Variants in TACC1 observed in about 807,000 individuals in gnomAD.
TACC1 encodes the protein transforming acidic coiled-coil containing protein 1, also known as transforming acidic coiled-coil-containing protein 1.
Under a neutral mutation model 84.4 loss-of-function variants are expected in TACC1, and 48 were observed. That is an observed-to-expected ratio of 0.57 (90% CI 0.45 to 0.72). The LOEUF (loss-of-function observed/expected upper bound fraction) is 0.72. Among genes scored for constraint, TACC1 ranks in the 30% least tolerant of loss-of-function variants. TACC1 has a pLI of 0.00. For synonymous variants in TACC1, 372 were observed against 376.3 expected (o/e 0.99, Z 0.13); for missense variants, 920 against 973.0 (o/e 0.95, Z 0.72).
At chr8:38,750,718 C>T (rs1361256916) in intron 3 of TACC1, among the ~76,000 whole-genome samples, 1 of 152,136 alleles carries the variant, frequency 6.6e-6, no homozygotes, top group Non-Finnish European at 1.5e-5. Flanking sequence ...ACTTTGTTTA[C>T]AATAGCATAA....
intron 1 of TACC1, among the ~76,000 whole-genome samples, chr8:38,732,697 C>T (rs1805195504): frequency 6.6e-6 from 1 of 152,178 alleles, no homozygotes; most frequent in African/African-American, 2.4e-5. Context: ...CAGGTGAATA[C>T]TATTATTATC....
chr8:38,838,614 T>C, intron 8 of TACC1, 68 bp downstream of exon 8: 1 of 1,301,238 alleles, frequency 7.7e-7, no homozygotes, highest in Non-Finnish European at 1.1e-6. Context: ...ACAGATGAAG[T>C]GATGACAGTG....
chr8:38,757,445 G>T (rs1244479733), intron 3 of TACC1: 4 of 1,140,954 alleles, frequency 3.5e-6, no homozygotes, highest in Middle Eastern at 3.0e-4. Context: ...GCCGCCTTTG[G>T]GGGTTTGCGT....
intron 2 of TACC1, among the ~76,000 whole-genome samples, chr8:38,802,548 A>C (rs1222018723): frequency 6.6e-6 from 1 of 152,208 alleles, no homozygotes; most frequent in Non-Finnish European, 1.5e-5. Flanking sequence ...TCTTCCATGA[A>C]ACCGGTCCCT....
At chr8:38,793,340 C>G (rs1819199289) in intron 2 of TACC1, among the ~76,000 whole-genome samples, 1 of 152,064 alleles carries the variant, frequency 6.6e-6, no homozygotes, top group Non-Finnish European at 1.5e-5. Flanking sequence ...ACTCATAGAC[C>G]AAGCCCTGCC....
rs370794854 is a variant in TACC1 at position 38,804,384 on chromosome 8, C to G, written c.278-15138C>G. On this transcript the variant is annotated intron_variant, in intron 2 of 12. Transcript: ENST00000317827. ...CGCCATCTTGGCTCACTGCAACCCT[C>G]CGCCTCCCGGGTTCAAGCAATTATC... Among the ~76,000 whole-genome samples, 66 of 152,214 alleles carry G rather than the reference C, an allele frequency of 4.3e-4. 1 individual carries two copies. Among genetic ancestry groups the G allele is most frequent in the African/African-American group, 1.4e-3 (58 of 41,524 alleles).
At chr8:38,768,570 T>C (rs1396189752) in intron 3 of TACC1, among the ~76,000 whole-genome samples, 2 of 152,090 alleles carry the variant, frequency 1.3e-5, no homozygotes, top group African/African-American at 4.8e-5. Context: ...CCTTGATAAT[T>C]GTGTGTCTTG....
intron 2 of TACC1, chr8:38,799,903 C>T (rs1820949321): frequency 6.6e-6 from 1 of 152,286 alleles, no homozygotes; most frequent in African/African-American, 2.4e-5. Flanking sequence ...TGTGCTGGCT[C>T]ACTCCTGTAA....
intron 5 of TACC1, 172 bp downstream of exon 5, chr8:38,827,547 T>TC: frequency 1.5e-6 from 1 of 655,354 alleles, no homozygotes; most frequent in Non-Finnish European, 2.6e-6. Flanking sequence ...ACAAAGTGCT[T>TC]ATTGAAGTAC....
intron 1 of TACC1, 62 bp downstream of exon 1, chr8:38,787,805 C>A (rs1279984769): frequency 7.1e-7 from 1 of 1,409,194 alleles, no homozygotes; most frequent in Admixed American, 2.8e-5. Flanking sequence ...CTGCGACTCC[C>A]TCTGTGTGCG....
At chr8:38,729,791 C>T (rs1174322421) in intron 1 of TACC1, among the ~76,000 whole-genome samples, 3 of 152,114 alleles carry the variant, frequency 2.0e-5, no homozygotes, top group Non-Finnish European at 4.4e-5. Context: ...ATTACTTGAA[C>T]CCGGGAGGTG....
At position 38,842,432 on chromosome 8, in the gene TACC1, G is replaced by A. The variant is rs371667024; in HGVS notation, c.2106G>A (p.Leu702=). 164 of 1,611,508 alleles carry A rather than the reference G, an allele frequency of 1.0e-4. 1 individual carries two copies. In the South Asian group the frequency reaches 1.7e-3, roughly 17 times the overall value. Residue 702 remains leucine, a synonymous_variant, in exon 10 of 13, where the codon CTG becomes CTA. Transcript: ENST00000317827. ...GATATGAGAACCTGAAAGGTGTTCT[G>A]GAAGGGTTCAAGAAGGTAGAGTGTT... is the stretch of plus-strand genomic sequence containing the variant. ...FRRYENLKGV[L]EGFKKNEEAL...
chr8:38,807,732 CTT>C (rs1219947855), intron 2 of TACC1, among the ~76,000 whole-genome samples: 38 of 152,202 alleles, frequency 2.5e-4, no homozygotes, highest in Non-Finnish European at 1.8e-4. Flanking sequence ...TCTTCTAAGA[CTT>C]TCAAGTTTTT....
intron 3 of TACC1, among the ~76,000 whole-genome samples, chr8:38,751,113 A>T (rs1335275154): frequency 6.6e-6 from 1 of 152,160 alleles, no homozygotes; most frequent in Non-Finnish European, 1.5e-5. Flanking sequence ...CCAAATGAGG[A>T]GAGATGGGTA....
At chr8:38,758,111 A>ATATT (rs746753219) in intron 3 of TACC1, among the ~76,000 whole-genome samples, 4 of 152,116 alleles carry the variant, frequency 2.6e-5, no homozygotes, top group African/African-American at 4.8e-5. Context: ...TAGTCTTTAA[A>ATATT]TATTTATTTA....
intron 2 of TACC1, among the ~76,000 whole-genome samples, chr8:38,818,687 T>G (rs1825977743): frequency 6.6e-6 from 1 of 152,192 alleles, no homozygotes; most frequent in Admixed American, 6.5e-5. Context: ...AGTTTTTAGG[T>G]CTACAGAGAG....
rs1270209170 is a variant in TACC1 at position 38,827,111 on chromosome 8, CT to C, written c.1453-53del. The C allele has an allele frequency of 5.3e-6, 8 of 1,510,408 alleles. No individual in the cohort carries two copies. The African/African-American group carries it at 5.5e-5, about 10-fold the overall frequency. The allele number at this position is 1,510,408 out of a possible 1,614,324, so 93.6% of individuals were successfully genotyped here. On this transcript the variant is annotated intron_variant, in intron 4 of 12. Coordinates refer to ENST00000317827, the MANE Select transcript of TACC1 (RefSeq NM_006283.3). ...ACTTTGTTCCATTCATGGGATGTCA[CT>C]TTTCCCCATTGCTTGCCCTCCTAAA...
chr8:38,753,430 G>A (rs752353863), intron 3 of TACC1, among the ~76,000 whole-genome samples: 10 of 152,152 alleles, frequency 6.6e-5, no homozygotes, highest in Admixed American at 2.6e-4. Context: ...AATACAAAAA[G>A]CAAGAAAGAG....
At chr8:38,757,840 A>G (rs913402734) in intron 3 of TACC1, among the ~76,000 whole-genome samples, 1 of 152,156 alleles carries the variant, frequency 6.6e-6, no homozygotes, top group Non-Finnish European at 1.5e-5. Context: ...AGGAATTTTG[A>G]CGCAGTGCTT....
Sources: allele counts gnomAD v4.1 joint callset (sites outside exome capture counted in the v4.1 genomes callset), GRCh38; gene constraint gnomAD v4.1.1; transcripts MANE v1.5; gene names NCBI Gene and HGNC (gene_info 2026-07-23, HGNC 2026-07-21).